DOCK4: variants seen among roughly 807,000 people sequenced by gnomAD.
DOCK4 encodes the protein dedicator of cytokinesis 4.
Under a neutral mutation model 268.1 loss-of-function variants are expected in DOCK4, and 97 were observed. The ratio of observed to expected loss-of-function variants is 0.36; its 90% CI spans 0.31 to 0.43. The LOEUF (loss-of-function observed/expected upper bound fraction) is 0.43, where lower values mean the gene tolerates loss of function less well. DOCK4 is among the 20% of genes least tolerant of loss of function. The pLI is 1.00. For missense variants in DOCK4, 2,145 were observed against 2,455.7 expected (o/e 0.87, Z 2.67); for synonymous variants, 954 against 887.2 (o/e 1.08, Z -1.34).
intron 32 of DOCK4, among the ~76,000 whole-genome samples, chr7:111,785,868 AC>A (rs1799130001): frequency 6.6e-6 from 1 of 152,108 alleles, no homozygotes. Flanking sequence ...GAAATTCCTA[AC>A]CCTGGGAAGC....
intron 11 of DOCK4, among the ~76,000 whole-genome samples, chr7:111,936,157 G>A (rs1794721972): frequency 6.6e-6 from 1 of 152,156 alleles, no homozygotes; most frequent in Non-Finnish European, 1.5e-5. Flanking sequence ...GACCAGGTTT[G>A]TCCAGAATCA....
intron 8 of DOCK4, among the ~76,000 whole-genome samples, chr7:111,948,414 T>A (rs951379036): frequency 1.3e-5 from 2 of 152,084 alleles, no homozygotes; most frequent in African/African-American, 4.8e-5. Flanking sequence ...AATACTGAGA[T>A]AAAGGAAAAG....
intron 26 of DOCK4, among the ~76,000 whole-genome samples, chr7:111,823,451 G>T (rs890216841): frequency 1.3e-5 from 2 of 151,948 alleles, no homozygotes; most frequent in African/African-American, 4.8e-5. Context: ...CAGGTGATCC[G>T]CCCACCTCGG....
At chr7:111,930,184 C>A (rs1307107370) in intron 12 of DOCK4, among the ~76,000 whole-genome samples, 2 of 152,196 alleles carry the variant, frequency 1.3e-5, no homozygotes, top group African/African-American at 2.4e-5. Context: ...AACTACTCAA[C>A]CTAACTATAT....
rs189702105 is a variant in DOCK4 at position 111,785,609 on chromosome 7, C to T, written c.3402-1486G>A. Among the ~76,000 whole-genome samples the T allele has an allele frequency of 5.3e-5, 8 of 152,328 alleles. No individual in the cohort carries two copies. The East Asian group carries it at 1.2e-3, about 22-fold the overall frequency. On this transcript the variant is annotated intron_variant, in intron 32 of 52. Coordinates refer to ENST00000428084, the MANE Select transcript of DOCK4 (RefSeq NM_001363540.2). ...GGACTGAGTCTAAAACCCAGATCAT[C>T]TGTGTGCTCAGCCAGCCTTGTTCCC...
At chr7:112,132,076 C>T (rs770395307) in intron 1 of DOCK4, among the ~76,000 whole-genome samples, 8 of 152,110 alleles carry the variant, frequency 5.3e-5, no homozygotes, top group Non-Finnish European at 1.0e-4. Flanking sequence ...AAGGATGAAA[C>T]GAGCATGGGG....
At chr7:111,739,073 G>T in intron 49 of DOCK4, 61 bp downstream of exon 49, 1 of 1,446,254 alleles carries the variant, frequency 6.9e-7, no homozygotes, top group Non-Finnish European at 9.7e-7. Flanking sequence ...TTTCTGCAGA[G>T]ATAGGTAAGC....
chr7:112,101,679 T>C (rs194591), intron 1 of DOCK4, among the ~76,000 whole-genome samples: 48,379 of 152,090 alleles, frequency 0.32, 8,259 homozygotes, highest in Non-Finnish European at 0.38. Flanking sequence ...AGCTGGCACA[T>C]AGACTCATTT....
chr7:111,852,881 C>A (rs1424445070), intron 23 of DOCK4, among the ~76,000 whole-genome samples: 2 of 152,106 alleles, frequency 1.3e-5, no homozygotes, highest in East Asian at 3.9e-4. Context: ...CAAATAAGAC[C>A]CCCCATAAAA....
chr7:111,736,702 C>T (rs1795514221), intron 50 of DOCK4, among the ~76,000 whole-genome samples: 1 of 152,184 alleles, frequency 6.6e-6, no homozygotes, highest in Non-Finnish European at 1.5e-5. Flanking sequence ...GCGTTCCTAT[C>T]TTGCTCAGAT....
At chr7:111,830,470 C>G (rs1296505038) in intron 26 of DOCK4, among the ~76,000 whole-genome samples, 3 of 151,966 alleles carry the variant, frequency 2.0e-5, no homozygotes, top group Non-Finnish European at 2.9e-5. Context: ...GACTAATTAG[C>G]CTTTACTAAA....
intron 36 of DOCK4, among the ~76,000 whole-genome samples, chr7:111,773,644 C>T (rs1050337275): frequency 2.0e-5 from 3 of 151,916 alleles, no homozygotes; most frequent in East Asian, 3.9e-4. Flanking sequence ...TTAAAGGGTA[C>T]ATTAACTTGT....
In DOCK4 at chr7:111,876,600, T is replaced by C. The variant is rs372982030; in HGVS notation, c.1744+430A>G. Among the ~76,000 whole-genome samples the C allele has an allele frequency of 1.3e-4, 20 of 152,264 alleles. 1 individual carries two copies. In the East Asian group the frequency reaches 2.7e-3, roughly 21 times the overall value. The stretch of plus-strand genomic sequence containing the variant: ...AAGAGCTTGCTTTATTAATCATAAC[T>C]TGCTAAACAATCACTGACATAAAAA... On this transcript the variant is annotated intron_variant, in intron 17 of 52. Coordinates refer to ENST00000428084, the MANE Select transcript of DOCK4 (RefSeq NM_001363540.2).
Position 111,809,158 on chromosome 7 carries a change from C to T in DOCK4, c.3107+143G>A, listed in dbSNP as rs771957163. The stretch of plus-strand genomic sequence containing the variant: ...AACATGTTTGAAATATCAAAACATC[C>T]AGAAAAGACTGCTTCTTGACCCCTT... On this transcript the variant is annotated intron_variant, in intron 29 of 52. Transcript: ENST00000428084. 6.7e-5 allele frequency: 50 copies of T among 743,676 alleles called. 2 individuals carry two copies. The highest frequency in any genetic ancestry group is 9.9e-5 in the Non-Finnish European group (46 of 463,896). 46.1% of individuals were successfully genotyped at this position (743,676 alleles called of 1,614,324 possible).
chr7:111,801,500 T>C (rs547343359), intron 30 of DOCK4, among the ~76,000 whole-genome samples: 233 of 152,260 alleles, frequency 1.5e-3, no homozygotes, highest in African/African-American at 5.4e-3. Context: ...AGCCATGTCA[T>C]CACTATCTCT....
At chr7:112,093,454 G>C (rs186532754) in intron 1 of DOCK4, among the ~76,000 whole-genome samples, 2 of 151,988 alleles carry the variant, frequency 1.3e-5, no homozygotes, top group Admixed American at 6.6e-5. Context: ...TAAAGGGGGG[G>C]GGAAACAATT....
At chr7:111,802,927 C>A (rs1338810692) in intron 30 of DOCK4, among the ~76,000 whole-genome samples, 1 of 152,134 alleles carries the variant, frequency 6.6e-6, no homozygotes, top group Non-Finnish European at 1.5e-5. Flanking sequence ...TCTACTTGTA[C>A]ATACATCTGT....
At chr7:111,762,915 C>A (rs749711786) in intron 39 of DOCK4, among the ~76,000 whole-genome samples, 4 of 151,108 alleles carry the variant, frequency 2.6e-5, no homozygotes, top group Non-Finnish European at 5.9e-5. Context: ...CACAGGCGCA[C>A]GCCACCGAAC....
At chr7:112,097,261 TAGG>T (rs1810233148) in intron 1 of DOCK4, among the ~76,000 whole-genome samples, 1 of 152,150 alleles carries the variant, frequency 6.6e-6, no homozygotes, top group African/African-American at 2.4e-5. Flanking sequence ...TAAAACTTTC[TAGG>T]AGAAGGATGA....
Sources: gnomAD v4.1 joint callset for allele counts (sites outside exome capture counted in the v4.1 genomes callset) on GRCh38, gnomAD v4.1.1 for gene constraint, MANE v1.5 for transcripts, NCBI Gene and HGNC (gene_info 2026-07-23, HGNC 2026-07-21) for gene names.